SLC35F4: variants seen among roughly 807,000 people sequenced by gnomAD.
The protein encoded by SLC35F4 is chromosome 14 open reading frame 36.
A neutral mutation model predicts 44.2 loss-of-function variants in SLC35F4; 24 were observed. The ratio of observed to expected loss-of-function variants is 0.54; its 90% CI spans 0.39 to 0.76. The LOEUF (loss-of-function observed/expected upper bound fraction) is 0.76, where lower values mean the gene tolerates loss of function less well. Ranked by LOEUF, SLC35F4 falls within the 30% of genes least tolerant of loss-of-function variation. SLC35F4 has a pLI of 0.00. For synonymous variants in SLC35F4, 238 were observed against 223.6 expected, an observed-to-expected ratio of 1.06 and a Z score of -0.57; for missense variants, 562 against 586.1, an observed-to-expected ratio of 0.96 and a Z score of 0.42.
At chr14:57,645,797 A>G (rs1470863785) in intron 1 of SLC35F4, among the ~76,000 whole-genome samples, 1 of 151,382 alleles carries the variant, frequency 6.6e-6, no homozygotes, top group African/African-American at 2.4e-5. Context: ...GATACGTCCC[A>G]TCAGTACCTA....
downstream of SLC35F4, among the ~76,000 whole-genome samples, chr14:57,975,141 T>C (rs533516497): frequency 2.0e-5 from 3 of 152,086 alleles, no homozygotes; most frequent in East Asian, 3.9e-4. Context: ...ACATAAAGAG[T>C]TGATCATTGA....
At chr14:57,809,621 C>T (rs567160259) in intron 1 of SLC35F4, among the ~76,000 whole-genome samples, 2 of 152,326 alleles carry the variant, frequency 1.3e-5, no homozygotes, top group African/African-American at 4.8e-5. Flanking sequence ...TTCTTGATTA[C>T]AGCACTTTAT....
At chr14:57,741,246 T>C (rs1411933976) in intron 1 of SLC35F4, among the ~76,000 whole-genome samples, 1 of 152,102 alleles carries the variant, frequency 6.6e-6, no homozygotes, top group Non-Finnish European at 1.5e-5. Context: ...CTTTGACGAG[T>C]TGAGAGAAGA....
chr14:57,790,144 G>A (rs1180373337), intron 1 of SLC35F4, among the ~76,000 whole-genome samples: 1 of 152,120 alleles, frequency 6.6e-6, no homozygotes, highest in Non-Finnish European at 1.5e-5. Flanking sequence ...GTTCTGGCCA[G>A]GGCAATCAGG....
chr14:57,784,230 T>C (rs575367337), intron 1 of SLC35F4, among the ~76,000 whole-genome samples: 6 of 152,070 alleles, frequency 3.9e-5, no homozygotes, highest in Admixed American at 6.6e-5. Flanking sequence ...GAGAAAGACA[T>C]AGAAGAAGCA....
chr14:57,675,183 A>G lies in SLC35F4; in HGVS notation c.104-81059T>C, dbSNP rs117528215. On this transcript the variant is annotated intron_variant, in intron 1 of 7. Transcript: ENST00000556826. ...ACTTTCTGATAGGGCTTTCAGTTATATAGATGTATACATTTGTCAAAACTC... is the reference window on the plus strand; with the variant it reads ...ACTTTCTGATAGGGCTTTCAGTTATGTAGATGTATACATTTGTCAAAACTC... Among the ~76,000 whole-genome samples the G allele has an allele frequency of 1.1e-4, 17 of 152,198 alleles. 1 individual carries two copies. In the East Asian group the frequency reaches 3.3e-3, roughly 29 times the overall value.
intron 1 of SLC35F4, among the ~76,000 whole-genome samples, chr14:57,757,275 C>T (rs984158590): frequency 6.6e-6 from 1 of 152,142 alleles, no homozygotes; most frequent in Non-Finnish European, 1.5e-5. Flanking sequence ...TACTTTTAAT[C>T]TCTTTGTGCT....
intron 1 of SLC35F4, among the ~76,000 whole-genome samples, chr14:57,824,853 C>T (rs1359814665): frequency 6.6e-6 from 1 of 152,076 alleles, no homozygotes; most frequent in African/African-American, 2.4e-5. Flanking sequence ...ATGGATTTTA[C>T]ATTGAGTGGA....
intron 1 of SLC35F4, among the ~76,000 whole-genome samples, chr14:57,729,298 A>G (rs1363983878): frequency 6.6e-6 from 1 of 152,112 alleles, no homozygotes; most frequent in East Asian, 1.9e-4. Flanking sequence ...GCTTTTCTCA[A>G]ACAGAAGGAA....
At chr14:57,939,284 G>A (rs1360832717) in intron 1 of SLC35F4, among the ~76,000 whole-genome samples, 2 of 152,170 alleles carry the variant, frequency 1.3e-5, no homozygotes, top group African/African-American at 2.4e-5. Flanking sequence ...TCCTGGGGCT[G>A]AGGCCAAATA....
chr14:57,804,772 G>A (rs1881105912), intron 1 of SLC35F4, among the ~76,000 whole-genome samples: 1 of 152,078 alleles, frequency 6.6e-6, no homozygotes, highest in Non-Finnish European at 1.5e-5. Flanking sequence ...TGACAAATGG[G>A]GTCTAATTAA....
At chr14:57,628,169 A>G (rs1227825033) in intron 1 of SLC35F4, among the ~76,000 whole-genome samples, 1 of 151,812 alleles carries the variant, frequency 6.6e-6, no homozygotes, top group African/African-American at 2.4e-5. Context: ...AAGAGCTCCT[A>G]TCAGAGCACA....
At chr14:57,838,355 A>G (rs1885150910) in intron 1 of SLC35F4, among the ~76,000 whole-genome samples, 1 of 152,234 alleles carries the variant, frequency 6.6e-6, no homozygotes, top group African/African-American at 2.4e-5. Flanking sequence ...TTCCCTAAAC[A>G]TTCTATGTGC....
At chr14:57,642,465 T>C (rs1394578168) in intron 1 of SLC35F4, among the ~76,000 whole-genome samples, 1 of 152,052 alleles carries the variant, frequency 6.6e-6, no homozygotes, top group African/African-American at 2.4e-5. Context: ...TTTTTTCTTT[T>C]TTTTTCCAAT....
At position 57,877,674 on chromosome 14, in the gene SLC35F4, C is replaced by CTTTTTTT. The variant is rs139397949; in HGVS notation, n.282+104232_282+104238dup. Among the ~76,000 whole-genome samples, 103 of 52,420 alleles carry CTTTTTTT rather than the reference C, an allele frequency of 2.0e-3. 5 individuals carry two copies. Among genetic ancestry groups the CTTTTTTT allele is most frequent in the East Asian group, 6.1e-3 (6 of 986 alleles). The allele number at this position is 52,420 out of a possible 152,430, so 34.4% of individuals were successfully genotyped here. On this transcript the variant is annotated intron_variant and non_coding_transcript_variant, in intron 1 of 1. Coordinates refer to the SLC35F4 transcript ENST00000556568. ...CTTGCCAGCATCTGTTATTTTTTGA[C>CTTTTTTT]TTTTTTTTTTTTTTTTTTTTTTTTT...
intron 1 of SLC35F4, among the ~76,000 whole-genome samples, chr14:57,672,825 A>G (rs1298320697): frequency 6.6e-6 from 1 of 151,824 alleles, no homozygotes; most frequent in African/African-American, 2.4e-5. Context: ...GAGTTAGGAC[A>G]GGAAAGTGAG....
chr14:57,740,503 G>A (rs2076578367), intron 1 of SLC35F4, among the ~76,000 whole-genome samples: 1 of 152,170 alleles, frequency 6.6e-6, no homozygotes, highest in African/African-American at 2.4e-5. Context: ...GAAGGTTATG[G>A]GGGAGGAAGG....
chr14:57,937,826 G>A (rs1889843307), intron 1 of SLC35F4, among the ~76,000 whole-genome samples: 1 of 152,158 alleles, frequency 6.6e-6, no homozygotes, highest in South Asian at 2.1e-4. Flanking sequence ...TGATGATAAA[G>A]GCCAAAGAAG....
At chr14:57,919,516 G>C (rs575010846) in intron 1 of SLC35F4, among the ~76,000 whole-genome samples, 1 of 152,284 alleles carries the variant, frequency 6.6e-6, no homozygotes, top group East Asian at 1.9e-4. Flanking sequence ...TGCAGGCAGG[G>C]AGTTGTGGGA....
Sources: gnomAD v4.1 joint callset for allele counts (sites outside exome capture counted in the v4.1 genomes callset) on GRCh38, gnomAD v4.1.1 for gene constraint, MANE v1.5 for transcripts, NCBI Gene and HGNC (gene_info 2026-07-23, HGNC 2026-07-21) for gene names.